Variants in HS3ST4 observed in about 807,000 individuals in gnomAD.
HS3ST4 encodes heparan sulfate glucosamine 3-O-sulfotransferase 4.
A neutral mutation model predicts 29.2 loss-of-function variants in HS3ST4; 17 were observed. The observed-to-expected ratio is 0.58, with a 90% CI of 0.40 to 0.87. The LOEUF (loss-of-function observed/expected upper bound fraction) is 0.87, where lower values mean the gene tolerates loss of function less well. HS3ST4 is among the 40% of genes least tolerant of loss of function. The pLI is 0.00. For synonymous variants in HS3ST4, 314 were observed against 285.7 expected (o/e 1.10, Z -1.00); for missense variants, 627 against 634.5 (o/e 0.99, Z 0.13).
At chr16:26,117,151 G>T (rs1279741500) in intron 1 of HS3ST4, among the ~76,000 whole-genome samples, 1 of 152,190 alleles carries the variant, frequency 6.6e-6, no homozygotes, top group African/African-American at 2.4e-5. Context: ...AATCCTCCCT[G>T]TGGGGACTAA....
chr16:25,889,387 G>C (rs1228963868), intron 1 of HS3ST4, among the ~76,000 whole-genome samples: 2 of 152,162 alleles, frequency 1.3e-5, no homozygotes, highest in African/African-American at 4.8e-5. Context: ...CGCCAGACTT[G>C]CTAGAGAAGA....
chr16:25,900,477 TC>T (rs1394518084), intron 1 of HS3ST4, among the ~76,000 whole-genome samples: 4 of 152,194 alleles, frequency 2.6e-5, no homozygotes, highest in African/African-American at 4.8e-5. Flanking sequence ...GCTTTTTGTA[TC>T]CTAACCCATA....
At chr16:25,946,561 C>A (rs1163961543) in intron 1 of HS3ST4, among the ~76,000 whole-genome samples, 3 of 152,190 alleles carry the variant, frequency 2.0e-5, no homozygotes, top group Admixed American at 6.5e-5. Flanking sequence ...AGGGAGTGTG[C>A]AAATGCTGTG....
At chr16:25,861,150 T>A (rs1967632332) in intron 1 of HS3ST4, among the ~76,000 whole-genome samples, 1 of 152,206 alleles carries the variant, frequency 6.6e-6, no homozygotes, top group African/African-American at 2.4e-5. Flanking sequence ...TGCCCTTGTG[T>A]GAGAGACTGA....
chr16:25,733,830 C>T lies in HS3ST4; in HGVS notation c.734+40679C>T, dbSNP rs1003335971. Among the ~76,000 whole-genome samples, 3 of 152,124 alleles carry T rather than the reference C, an allele frequency of 2.0e-5. No individual in the cohort carries two copies. In the East Asian group the frequency reaches 5.8e-4, roughly 29 times the overall value. On this transcript the variant is annotated intron_variant, in intron 1 of 1. Coordinates refer to ENST00000331351, the MANE Select transcript of HS3ST4 (RefSeq NM_006040.3). ...GCTGGATTCTTTCAGCTCAAAGACA[C>T]ATTGGGTGCCGGACGCAGTGGCTCA...
At chr16:26,006,501 T>C in intron 1 of HS3ST4, among the ~76,000 whole-genome samples, 1 of 152,128 alleles carries the variant, frequency 6.6e-6, no homozygotes, top group East Asian at 1.9e-4. Flanking sequence ...GTTTAACTCA[T>C]GCAGAGCCAG....
chr16:26,136,112 G>A lies in HS3ST4; in HGVS notation c.1235G>A (p.Ser412Asn). 6.2e-7 allele frequency: 1 copy of A among 1,613,586 alleles called. No homozygotes were observed. The highest frequency in any genetic ancestry group is 8.5e-7 in the Non-Finnish European group (1 of 1,179,702). Reference sequence around the variant, plus strand: ...AGTGCCCCGAGGTGCTTAGGCAAGAGCAAAGGTCGGACTCATCCTCGCATT... The same window carrying A: ...AGTGCCCCGAGGTGCTTAGGCAAGAACAAAGGTCGGACTCATCCTCGCATT... ...DSSAPRCLGK[S>N]KGRTHPRIDP... Residue 412 changes from serine (S) to asparagine (N), a missense_variant, in exon 2 of 2, where the codon AGC (serine) becomes AAC (asparagine). This residue lies in a region of HS3ST4 where 225 missense variants were observed against 293.7 expected (regional missense o/e 0.77). Transcript: ENST00000331351.
rs1171370411 is a variant in HS3ST4 at position 25,789,228 on chromosome 16, C to T, written c.734+96077C>T. 2.6e-5 allele frequency among the ~76,000 whole-genome samples: 4 copies of T among 152,012 alleles called. 1 individual carries two copies. Among genetic ancestry groups the T allele is most frequent in the Admixed American group, 2.0e-4 (3 of 15,266 alleles). ...TACTGATAGAAGGTTCCAGGTCCATCACCTTCTCCTCCTCCTCCAACTGGT... is the reference window on the plus strand; with the variant it reads ...TACTGATAGAAGGTTCCAGGTCCATTACCTTCTCCTCCTCCTCCAACTGGT... On this transcript the variant is annotated intron_variant, in intron 1 of 1. Coordinates refer to ENST00000331351, the MANE Select transcript of HS3ST4 (RefSeq NM_006040.3).
chr16:25,903,058 T>C (rs955221230), intron 1 of HS3ST4, among the ~76,000 whole-genome samples: 2 of 150,826 alleles, frequency 1.3e-5, no homozygotes, highest in Non-Finnish European at 2.9e-5. Context: ...AGCTTGATAA[T>C]GAAGCAGAGA....
chr16:25,849,337 C>T (rs930780960), intron 1 of HS3ST4, among the ~76,000 whole-genome samples: 7 of 152,134 alleles, frequency 4.6e-5, no homozygotes, highest in African/African-American at 7.2e-5. Flanking sequence ...TCTAATCAGA[C>T]TTGTTAACTG....
chr16:25,878,556 G>T (rs72780776), intron 1 of HS3ST4, among the ~76,000 whole-genome samples: 1 of 152,108 alleles, frequency 6.6e-6, no homozygotes, highest in South Asian at 2.1e-4. Context: ...GCCACGTCAC[G>T]CTATGGACTA....
At chr16:25,705,538 A>G (rs956947621) in intron 1 of HS3ST4, among the ~76,000 whole-genome samples, 5 of 152,148 alleles carry the variant, frequency 3.3e-5, no homozygotes, top group Non-Finnish European at 7.4e-5. Context: ...GGTGGCACGC[A>G]CCTGTAGTCC....
At chr16:25,767,949 G>C (rs1047163522) in intron 1 of HS3ST4, among the ~76,000 whole-genome samples, 1 of 152,150 alleles carries the variant, frequency 6.6e-6, no homozygotes, top group Non-Finnish European at 1.5e-5. Context: ...CCTAAGGGTG[G>C]GTACATGAAC....
At chr16:25,873,323 CTTCCTTCCTTCCTTTCATCCATCT>C (rs1567261320) in intron 1 of HS3ST4, among the ~76,000 whole-genome samples, 648 of 46,802 alleles carry the variant, frequency 0.014, 2 homozygotes, top group South Asian at 0.038. Context: ...TCCATCCATC[CTTCCTTCCTTCCTTTCATCCATCT>C]ATCCATCCAT....
At chr16:26,092,399 C>T (rs1898868397) in intron 1 of HS3ST4, among the ~76,000 whole-genome samples, 1 of 152,152 alleles carries the variant, frequency 6.6e-6, no homozygotes, top group African/African-American at 2.4e-5. Flanking sequence ...TGCTCCATGT[C>T]CAGTCCCCAC....
intron 1 of HS3ST4, among the ~76,000 whole-genome samples, chr16:25,859,716 C>A (rs1390830780): frequency 6.6e-6 from 1 of 152,114 alleles, no homozygotes; most frequent in Non-Finnish European, 1.5e-5. Context: ...TAAAAGACAC[C>A]TCACCAAAGA....
intron 1 of HS3ST4, among the ~76,000 whole-genome samples, chr16:25,907,441 A>G (rs1368567871): frequency 6.6e-6 from 1 of 152,116 alleles, no homozygotes; most frequent in Non-Finnish European, 1.5e-5. Context: ...TGATCATGAC[A>G]TTCCAGCCAT....
intron 1 of HS3ST4, among the ~76,000 whole-genome samples, chr16:26,128,714 T>C (rs1324565200): frequency 6.6e-6 from 1 of 152,224 alleles, no homozygotes; most frequent in Non-Finnish European, 1.5e-5. Flanking sequence ...CTTTCTGACT[T>C]CCAGTTTTTG....
rs903476785 is a variant in HS3ST4 at position 25,805,624 on chromosome 16, G to A, written c.734+112473G>A. On this transcript the variant is annotated intron_variant, in intron 1 of 1. Transcript: ENST00000331351. ...ACTGAGCTGGGCTGTGCCTGACCCC[G>A]GACTCCTATCTTTGTGTCTCTAAGA... Among the ~76,000 whole-genome samples the A allele has an allele frequency of 2.0e-5, 3 of 151,942 alleles. No homozygotes were observed. The South Asian group carries it at 6.3e-4, about 32-fold the overall frequency.
Sources: allele counts gnomAD v4.1 joint callset (sites outside exome capture counted in the v4.1 genomes callset), GRCh38; gene constraint gnomAD v4.1.1; regional missense constraint gnomAD v4.1.1; transcripts MANE v1.5; gene names NCBI Gene and HGNC (gene_info 2026-07-23, HGNC 2026-07-21).